SCRT1: variants seen among roughly 807,000 people sequenced by gnomAD.
The protein encoded by SCRT1 is transcriptional repressor scratch 1.
Under a neutral mutation model 3.4 loss-of-function variants are expected in SCRT1, and 1 was observed. The ratio of observed to expected loss-of-function variants is 0.29; its 90% CI spans 0.10 to 1.39. SCRT1 has a LOEUF of 1.39. Among genes scored for constraint, SCRT1 ranks in the 40% most tolerant of loss-of-function variants. The probability of loss-of-function intolerance (pLI) is 0.42; values close to 1 mark genes in which losing one functional copy is unlikely to be tolerated. For synonymous variants in SCRT1, 238 were observed against 247.0 expected, an observed-to-expected ratio of 0.96 and a Z score of 0.34; for missense variants, 380 against 526.3, an observed-to-expected ratio of 0.72 and a Z score of 2.72.
rs1817807614 is a variant in SCRT1 at position 144,332,933 on chromosome 8, T to C, written c.*252A>G. 4.2e-6 allele frequency: 2 copies of C among 472,116 alleles called. No individual in the cohort carries two copies. The highest frequency in any genetic ancestry group is 7.4e-6 in the Non-Finnish European group (2 of 268,684). The allele number at this position is 472,116 out of a possible 1,614,324, so 29.2% of individuals were successfully genotyped here. ...TCGGTTCTAGGTCTCGTCGACCCTA[T>C]TGCTGGGAGAAAGCCGGGGGCACCC... On this transcript the variant is annotated 3_prime_UTR_variant, in exon 2 of 2. Coordinates refer to ENST00000569446, the MANE Select transcript of SCRT1 (RefSeq NM_031309.6).
chr8:144,334,335 AG>A (rs1309308909), intron 1 of SCRT1, among the ~76,000 whole-genome samples: 1 of 151,694 alleles, frequency 6.6e-6, no homozygotes, highest in Non-Finnish European at 1.5e-5. Flanking sequence ...AGGATGAGAC[AG>A]GGCCGGGCCA....
At position 144,335,848 on chromosome 8, in the gene SCRT1, C is replaced by T. The variant is rs1337753739; in HGVS notation, c.115+207G>A. On this transcript the variant is annotated intron_variant, in intron 1 of 1. Transcript: ENST00000569446. The surrounding 1 kb of genome is among the most constrained non-coding windows in gnomAD (Gnocchi z 7.7). ...CCTGATCCTCTTCCCCACCCTCTGTCCAACGTCGACACTCTCCCTGCCCAG... is the reference window on the plus strand; with the variant it reads ...CCTGATCCTCTTCCCCACCCTCTGTTCAACGTCGACACTCTCCCTGCCCAG... Among the ~76,000 whole-genome samples the T allele has an allele frequency of 6.6e-6, 1 of 152,240 alleles. No homozygotes were observed. The highest frequency in any genetic ancestry group is 1.5e-5 in the Non-Finnish European group (1 of 68,040).
Sources: gnomAD v4.1 joint callset for allele counts (sites outside exome capture counted in the v4.1 genomes callset) on GRCh38, gnomAD v4.1.1 for gene constraint, Gnocchi (gnomAD v3.1) non-coding constraint, MANE v1.5 for transcripts, NCBI Gene and HGNC (gene_info 2026-07-23, HGNC 2026-07-21) for gene names.